DHRS9: variants seen among roughly 807,000 people sequenced by gnomAD.
DHRS9 encodes the protein dehydrogenase/reductase 9.
Under a neutral mutation model 26.6 loss-of-function variants are expected in DHRS9, and 18 were observed. That is an observed-to-expected ratio of 0.68 (90% confidence interval 0.47 to 1.00). The LOEUF (loss-of-function observed/expected upper bound fraction) is 1.00. Among genes scored for constraint, DHRS9 ranks in the 50% least tolerant of loss-of-function variants. DHRS9 has a pLI of 0.00. For synonymous variants in DHRS9, 134 were observed against 141.1 expected (o/e 0.95, Z 0.36); for missense variants, 425 against 378.7 (o/e 1.12, Z -1.01).
At chr2:169,090,815 G>T (rs1291242075) in intron 3 of DHRS9, among the ~76,000 whole-genome samples, 1 of 152,148 alleles carries the variant, frequency 6.6e-6, no homozygotes, top group Admixed American at 6.6e-5. Flanking sequence ...ACTTTTCTTA[G>T]AATTTGGAAT....
At chr2:169,092,490 A>T (rs1323945434) in intron 4 of DHRS9, among the ~76,000 whole-genome samples, 1 of 152,252 alleles carries the variant, frequency 6.6e-6, no homozygotes, top group Non-Finnish European at 1.5e-5. Flanking sequence ...AATGTAGCAC[A>T]CAATAAAATT....
intron 4 of DHRS9, among the ~76,000 whole-genome samples, chr2:169,094,530 T>C (rs186867535): frequency 1.3e-4 from 19 of 151,754 alleles, no homozygotes; most frequent in Admixed American, 7.9e-4. Flanking sequence ...ATTTCCTTTA[T>C]GTTTTCTTCT....
At chr2:169,068,853 G>A (rs1683719631), upstream of DHRS9, among the ~76,000 whole-genome samples, 1 of 152,092 alleles carries the variant, frequency 6.6e-6, no homozygotes, top group Non-Finnish European at 1.5e-5. Flanking sequence ...GAAGGTGAAG[G>A]GTGGCAGGCT....
chr2:169,078,764 G>A (rs1684042588), intron 1 of DHRS9, among the ~76,000 whole-genome samples: 1 of 149,908 alleles, frequency 6.7e-6, no homozygotes. Flanking sequence ...GAATCAAGTA[G>A]GTTCTCCAAA....
At chr2:169,078,253 T>C (rs995677795) in intron 1 of DHRS9, among the ~76,000 whole-genome samples, 2 of 152,212 alleles carry the variant, frequency 1.3e-5, no homozygotes, top group Admixed American at 6.5e-5. Context: ...TAGAGTGCCT[T>C]ACTAATGTAT....
chr2:169,095,175 A>C (rs1382553616), intron 4 of DHRS9, among the ~76,000 whole-genome samples: 1 of 152,150 alleles, frequency 6.6e-6, no homozygotes, highest in Non-Finnish European at 1.5e-5. Context: ...GCTCTAAAGC[A>C]CTGAGGGATC....
rs746917527 is a variant in DHRS9 at position 169,095,576 on chromosome 2, G to T, written c.769G>T (p.Val257Leu). 6.2e-7 allele frequency: 1 copy of T among 1,613,844 alleles called. No individual in the cohort carries two copies. The highest frequency in any genetic ancestry group is 1.1e-5 in the South Asian group (1 of 91,080). ...LDKLKGNKSY[V>L]NMDLSPVVEC... ...CAAACTGAAAGGCAATAAATCCTAT[G>T]TGAACATGGACCTCTCTCCGGTGGT... The change falls in exon 5 of 5, where the codon GTG becomes TTG. Residue 257 changes from valine to leucine, a missense_variant. Coordinates refer to ENST00000674881, the MANE Select transcript of DHRS9 (RefSeq NM_001376924.1).
At chr2:169,073,881 C>T (rs374444609) in intron 1 of DHRS9, among the ~76,000 whole-genome samples, 1 of 152,104 alleles carries the variant, frequency 6.6e-6, no homozygotes, top group East Asian at 1.9e-4. Flanking sequence ...CTAGGAAGTT[C>T]TAGAACAGTG....
intron 3 of DHRS9, among the ~76,000 whole-genome samples, chr2:169,087,675 AGGGCCC>A: frequency 6.6e-6 from 1 of 152,106 alleles, no homozygotes; most frequent in East Asian, 1.9e-4. Context: ...CTGATTTTTC[AGGGCCC>A]AAGGGCTCTT....
chr2:169,094,858 C>A lies in DHRS9; in HGVS notation c.737-686C>A, dbSNP rs1684645278. Among the ~76,000 whole-genome samples, 4 of 152,218 alleles carry A rather than the reference C, an allele frequency of 2.6e-5. No homozygotes were observed. In the South Asian group the frequency reaches 8.3e-4, roughly 32 times the overall value. ...ATCCACCACTAATCCCTTGTAAAAT[C>A]CCTGCCTCTCTAAAGGTATCTTCGC... On this transcript the variant is annotated intron_variant, in intron 4 of 4. Coordinates refer to ENST00000674881, the MANE Select transcript of DHRS9 (RefSeq NM_001376924.1).
Position 169,091,905 on chromosome 2 carries a change from CT to C in DHRS9, c.689del (p.Leu230ArgfsTer18). The C allele has an allele frequency of 6.2e-7, 1 of 1,614,066 alleles. No homozygotes were observed. The highest frequency in any genetic ancestry group is 8.5e-7 in the Non-Finnish European group (1 of 1,180,006). On this transcript the variant is annotated frameshift_variant, in exon 4 of 5. Transcript: ENST00000674881. LOFTEE classifies it high-confidence loss of function. ...IEKKLAIWEQ[L>X]SPDIKQQYGE... ...AAAAAAACTCGCCATTTGGGAGCAG[CT>C]GTCTCCAGACATCAAACAACAATAT...
intron 1 of DHRS9, chr2:169,070,295 C>T: frequency 1.0e-6 from 1 of 985,422 alleles, no homozygotes; most frequent in Non-Finnish European, 1.2e-6. Context: ...GGGGTGGCAG[C>T]AATAAGCCTG....
chr2:169,072,008 G>GT (rs76184631), intron 1 of DHRS9, among the ~76,000 whole-genome samples: 8,436 of 122,234 alleles, frequency 0.069, 775 homozygotes, highest in African/African-American at 0.21. Flanking sequence ...AGCCACCTGG[G>GT]TTTTTTTTTT....
chr2:169,074,363 T>C (rs180681253), intron 1 of DHRS9: 65 of 985,406 alleles, frequency 6.6e-5, no homozygotes, highest in Non-Finnish European at 7.8e-5. Flanking sequence ...GGCTCCTAAC[T>C]ACTGCTCTAC....
rs1182328239 is a variant in DHRS9 at position 169,069,731 on chromosome 2, G to GT, written c.-60+18dup. 4.1e-6 allele frequency: 4 copies of GT among 985,400 alleles called. No individual in the cohort carries two copies. The East Asian group carries it at 3.4e-4, about 84-fold the overall frequency. 61.0% of individuals were successfully genotyped at this position (985,400 alleles called of 1,614,324 possible). ...ATCTTTAATAAGGTAACTGATGACA[G>GT]TTTTGTCATTTATTCTTTTATTTAT... On this transcript the variant is annotated intron_variant, in intron 1 of 4. Coordinates refer to ENST00000674881, the MANE Select transcript of DHRS9 (RefSeq NM_001376924.1).
rs1216793785 is a variant in DHRS9 at position 169,095,644 on chromosome 2, T to G, written c.837T>G (p.Thr279=). 6.2e-7 allele frequency: 1 copy of G among 1,614,014 alleles called. No individual in the cohort carries two copies. Among genetic ancestry groups the G allele is most frequent in the Non-Finnish European group, 8.5e-7 (1 of 1,179,930 alleles). ...DHALTSLFPK[T]HYAAGKDAKI... Reference sequence around the variant, plus strand: ...CTCTAACAAGTCTCTTCCCTAAGACTCATTATGCCGCTGGAAAAGATGCCA... The same window carrying G: ...CTCTAACAAGTCTCTTCCCTAAGACGCATTATGCCGCTGGAAAAGATGCCA... The change falls in exon 5 of 5, where the codon ACT becomes ACG. Residue 279 remains threonine (T), a synonymous_variant. Transcript: ENST00000674881.
intron 4 of DHRS9, 150 bp downstream of exon 4, chr2:169,092,103 G>A: frequency 5.4e-6 from 5 of 920,932 alleles, no homozygotes; most frequent in Non-Finnish European, 3.1e-6. Flanking sequence ...TAATTTCAGT[G>A]TCATCTCTTG....
chr2:169,067,254 G>A (rs141954778), upstream of DHRS9: 1,128 of 1,535,502 alleles, frequency 7.3e-4, 5 homozygotes, highest in African/African-American at 0.014. Context: ...ACCCACCACA[G>A]CCTGCACACT....
At chr2:169,074,029 T>G (rs958632278) in intron 1 of DHRS9, among the ~76,000 whole-genome samples, 1 of 152,150 alleles carries the variant, frequency 6.6e-6, no homozygotes, top group East Asian at 1.9e-4. Flanking sequence ...ACATGCTAAA[T>G]GCACAGGACT....
Sources: gnomAD v4.1 joint callset for allele counts (sites outside exome capture counted in the v4.1 genomes callset) on GRCh38, gnomAD v4.1.1 for gene constraint, MANE v1.5 for transcripts, NCBI Gene and HGNC (gene_info 2026-07-23, HGNC 2026-07-21) for gene names.